The following EYS variants were observed in gnomAD, a reference collection of about 807,000 sequenced individuals.
EYS encodes the protein protein eyes shut homolog.
In EYS, 250 loss-of-function variants were observed where a neutral mutation model predicts 282.1. That is an observed-to-expected ratio of 0.89 (90% CI 0.80 to 0.98). The LOEUF (loss-of-function observed/expected upper bound fraction) is 0.98, where lower values mean the gene tolerates loss of function less well. Among genes scored for constraint, EYS ranks in the 50% least tolerant of loss-of-function variants. The pLI, the probability that EYS is intolerant of heterozygous loss-of-function variation, is 0.00. For missense variants in EYS, 4,016 were observed against 3,709.0 expected, an observed-to-expected ratio of 1.08 and a Z score of -2.15; for synonymous variants, 1,355 against 1,282.9, an observed-to-expected ratio of 1.06 and a Z score of -1.20.
intron 5 of EYS, among the ~76,000 whole-genome samples, chr6:65,467,799 C>T (rs1765060773): frequency 6.6e-6 from 1 of 151,404 alleles, no homozygotes; most frequent in Non-Finnish European, 1.5e-5. Flanking sequence ...ATTGTCCAGA[C>T]AAAATAAAAA....
intron 41 of EYS, among the ~76,000 whole-genome samples, chr6:63,729,595 C>G (rs1352374015): frequency 6.6e-6 from 1 of 151,884 alleles, no homozygotes; most frequent in South Asian, 2.1e-4. Context: ...TATCCTTTCC[C>G]CATTTTATTC....
intron 19 of EYS, among the ~76,000 whole-genome samples, chr6:64,859,659 G>A (rs1301655857): frequency 6.6e-6 from 1 of 152,162 alleles, no homozygotes; most frequent in Non-Finnish European, 1.5e-5. Context: ...TCTCTTGTCT[G>A]CTGCCATGTG....
At chr6:63,823,018 G>A (rs1416940989) in intron 36 of EYS, among the ~76,000 whole-genome samples, 5 of 152,052 alleles carry the variant, frequency 3.3e-5, no homozygotes, top group African/African-American at 7.2e-5. Context: ...TGACATTTTA[G>A]TATTGATTAA....
chr6:65,205,491 C>T (rs751819973), intron 12 of EYS, among the ~76,000 whole-genome samples: 1 of 151,842 alleles, frequency 6.6e-6, no homozygotes, highest in Non-Finnish European at 1.5e-5. Context: ...CAACACTAAA[C>T]AGCTAATCGA....
At chr6:64,955,565 ATTTATTG>A (rs1769672404) in intron 14 of EYS, among the ~76,000 whole-genome samples, 4 of 152,124 alleles carry the variant, frequency 2.6e-5, no homozygotes, top group Non-Finnish European at 5.9e-5. Context: ...CTCAGAAGGG[ATTTATTG>A]TGCAAGCACA....
At chr6:64,532,251 T>C (rs1184986937) in intron 26 of EYS, among the ~76,000 whole-genome samples, 2 of 152,184 alleles carry the variant, frequency 1.3e-5, no homozygotes, top group Non-Finnish European at 2.9e-5. Flanking sequence ...GATTTTAATC[T>C]TGCTCAGATC....
At chr6:64,367,489 T>C (rs1023091590) in intron 29 of EYS, among the ~76,000 whole-genome samples, 2 of 152,002 alleles carry the variant, frequency 1.3e-5, no homozygotes, top group African/African-American at 4.8e-5. Flanking sequence ...TAATTCAGTG[T>C]TTTTGGAAAG....
chr6:64,876,637 C>A (rs1268931654), intron 19 of EYS, among the ~76,000 whole-genome samples: 2 of 151,862 alleles, frequency 1.3e-5, no homozygotes, highest in Non-Finnish European at 2.9e-5. Flanking sequence ...GTGCTAATTG[C>A]TAGGAAGGGA....
At chr6:64,821,574 C>A (rs971235299) in intron 21 of EYS, 71 bp downstream of exon 21, 2 of 773,168 alleles carry the variant, frequency 2.6e-6, no homozygotes, top group Non-Finnish European at 2.1e-6. Context: ...CTGAAACCTA[C>A]AGCAAGCAAT....
At chr6:64,301,117 T>C (rs1769218051) in intron 30 of EYS, among the ~76,000 whole-genome samples, 1 of 152,198 alleles carries the variant, frequency 6.6e-6, no homozygotes, top group Non-Finnish European at 1.5e-5. Flanking sequence ...GTCTCCTCCT[T>C]GGAAATATCT....
intron 14 of EYS, among the ~76,000 whole-genome samples, chr6:64,983,826 A>G (rs1770762012): frequency 6.6e-6 from 1 of 151,354 alleles, no homozygotes; most frequent in Non-Finnish European, 1.5e-5. Context: ...TAGTCCTTAA[A>G]CAGAAAAGTC....
chr6:65,489,170 T>C (rs1765928284), intron 5 of EYS, among the ~76,000 whole-genome samples: 1 of 152,046 alleles, frequency 6.6e-6, no homozygotes, highest in Non-Finnish European at 1.5e-5. Context: ...CAAAAGAAAT[T>C]GTCATCAGAG....
chr6:64,006,621 G>A (rs1054112676), intron 33 of EYS, among the ~76,000 whole-genome samples: 3 of 152,120 alleles, frequency 2.0e-5, no homozygotes, highest in African/African-American at 7.2e-5. Flanking sequence ...GTTGGCTGTG[G>A]ATTTGTTATC....
intron 35 of EYS, among the ~76,000 whole-genome samples, chr6:63,900,730 G>T (rs532269641): frequency 2.0e-5 from 3 of 152,184 alleles, no homozygotes; most frequent in Admixed American, 2.0e-4. Context: ...TGGAGTGAAA[G>T]CTCTGATTTT....
At chr6:64,624,944 A>G (rs1032583070) in intron 23 of EYS, among the ~76,000 whole-genome samples, 12 of 152,130 alleles carry the variant, frequency 7.9e-5, no homozygotes, top group Non-Finnish European at 1.5e-4. Flanking sequence ...GATACAATCA[A>G]AGCATGTATC....
intron 14 of EYS, among the ~76,000 whole-genome samples, chr6:64,971,402 C>T (rs1405676581): frequency 6.6e-6 from 1 of 151,974 alleles, no homozygotes; most frequent in African/African-American, 2.4e-5. Flanking sequence ...TATACAAACA[C>T]ACTTGGGTTT....
At chr6:65,698,527 AAAT>A (rs1358986771) in intron 1 of EYS, among the ~76,000 whole-genome samples, 3 of 152,184 alleles carry the variant, frequency 2.0e-5, no homozygotes, top group Admixed American at 2.0e-4. Flanking sequence ...GATGCTAAAA[AAAT>A]GAAGAATGCA....
chr6:65,220,395 C>T (rs1766431648), intron 12 of EYS, among the ~76,000 whole-genome samples: 1 of 151,974 alleles, frequency 6.6e-6, no homozygotes, highest in Admixed American at 6.5e-5. Flanking sequence ...AACATGAGGG[C>T]ATGTTTTTCT....
At chr6:64,583,550 C>T (rs892247704) in intron 26 of EYS, among the ~76,000 whole-genome samples, 4 of 152,110 alleles carry the variant, frequency 2.6e-5, no homozygotes, top group African/African-American at 9.7e-5. Context: ...TATCCCAACA[C>T]TTTGGGAGGC....
Sources: gnomAD v4.1 joint callset for allele counts (sites outside exome capture counted in the v4.1 genomes callset) on GRCh38, gnomAD v4.1.1 for gene constraint, MANE v1.5 for transcripts, NCBI Gene and HGNC (gene_info 2026-07-23, HGNC 2026-07-21) for gene names.